Variants in STYXL1 observed in about 807,000 individuals in gnomAD.
STYXL1 encodes serine/threonine/tyrosine interacting like 1, also known as serine/threonine/tyrosine-interacting-like protein 1.
Under a neutral mutation model 36.4 loss-of-function variants are expected in STYXL1, and 32 were observed. That is an observed-to-expected ratio of 0.88 (90% confidence interval 0.66 to 1.18). The LOEUF is 1.18. Among genes scored for constraint, STYXL1 ranks in the 50% most tolerant of loss-of-function variants. The pLI is 0.00. For missense variants in STYXL1, 354 were observed against 394.1 expected (o/e 0.90, Z 0.86); for synonymous variants, 133 against 144.1 (o/e 0.92, Z 0.55).
intron 7 of STYXL1, among the ~76,000 whole-genome samples, chr7:76,002,316 G>C (rs530864934): frequency 4.7e-4 from 72 of 152,322 alleles, no homozygotes; most frequent in African/African-American, 1.5e-3. Flanking sequence ...TGCCCAGGGA[G>C]AGGAAATCTA....
chr7:76,041,556 T>C (rs1341420048), intron 1 of STYXL1, among the ~76,000 whole-genome samples: 2 of 152,214 alleles, frequency 1.3e-5, no homozygotes, highest in African/African-American at 2.4e-5. Flanking sequence ...AGGTTTCCTC[T>C]TGCATTTTCC....
intron 8 of STYXL1, among the ~76,000 whole-genome samples, chr7:75,997,877 A>G (rs1329308693): frequency 6.6e-6 from 1 of 152,204 alleles, no homozygotes; most frequent in Non-Finnish European, 1.5e-5. Flanking sequence ...AAAGAATAAA[A>G]TATTTAACCA....
chr7:76,042,641 A>C (rs914784064), intron 1 of STYXL1, among the ~76,000 whole-genome samples: 2 of 151,612 alleles, frequency 1.3e-5, no homozygotes, highest in Non-Finnish European at 2.9e-5. Flanking sequence ...TCCTGACCTC[A>C]GGTGATCCAT....
chr7:75,997,719 T>TACACACACACACA (rs374436226), intron 8 of STYXL1, among the ~76,000 whole-genome samples: 1 of 151,528 alleles, frequency 6.6e-6, no homozygotes, highest in Non-Finnish European at 1.5e-5. Context: ...CCCTAAAGAT[T>TACACACACACACA]ACACACACAC....
intron 1 of STYXL1, among the ~76,000 whole-genome samples, chr7:76,032,502 G>A (rs1293646773): frequency 6.6e-6 from 1 of 151,820 alleles, no homozygotes; most frequent in African/African-American, 2.4e-5. Context: ...CCTTTGGTCA[G>A]GAGTTCAAGA....
intron 5 of STYXL1, among the ~76,000 whole-genome samples, chr7:76,012,537 G>C (rs1480381893): frequency 6.6e-6 from 1 of 152,130 alleles, no homozygotes; most frequent in Non-Finnish European, 1.5e-5. Flanking sequence ...GGGACTACAA[G>C]ACAGGTGGGC....
chr7:76,000,101 G>T (rs1273207642), intron 8 of STYXL1, among the ~76,000 whole-genome samples: 3 of 150,674 alleles, frequency 2.0e-5, no homozygotes, highest in African/African-American at 7.3e-5. Flanking sequence ...AGAGACAGGA[G>T]AATCGCTTGA....
chr7:76,000,819 T>C, intron 8 of STYXL1, 71 bp downstream of exon 8: 2 of 1,400,128 alleles, frequency 1.4e-6, no homozygotes, highest in Non-Finnish European at 2.0e-6. Context: ...GCCCCACTCC[T>C]CCCAGGTTGC....
chr7:75,999,784 G>A lies in STYXL1; in HGVS notation c.810+1106C>T, dbSNP rs553628607. Among the ~76,000 whole-genome samples, 3 of 152,214 alleles carry A rather than the reference G, an allele frequency of 2.0e-5. No individual in the cohort carries two copies. In the South Asian group the frequency reaches 6.2e-4, roughly 32 times the overall value. The stretch of plus-strand genomic sequence containing the variant: ...TGGTCTTGAACTCCTGACCTCAGGT[G>A]ATCTGCCCGCCTCGGCCTCCCACAA... On this transcript the variant is annotated intron_variant, in intron 8 of 8. Coordinates refer to ENST00000359697, the MANE Select transcript of STYXL1 (RefSeq NM_001317785.2).
At chr7:76,045,035 A>G (rs1259855749) in intron 1 of STYXL1, 1 of 152,210 alleles carries the variant, frequency 6.6e-6, no homozygotes, top group Non-Finnish European at 1.5e-5. Flanking sequence ...CTCCCAATTA[A>G]GCCCATCTAA....
At chr7:76,046,821 T>C (rs1797168108) in intron 1 of STYXL1, among the ~76,000 whole-genome samples, 1 of 151,068 alleles carries the variant, frequency 6.6e-6, no homozygotes, top group Non-Finnish European at 1.5e-5. Flanking sequence ...GGGCTAATTT[T>C]TGTATTTTTA....
At chr7:76,030,599 G>C in intron 1 of STYXL1, 72 bp from the exon 2 acceptor site, 1 of 889,474 alleles carries the variant, frequency 1.1e-6, no homozygotes, top group Non-Finnish European at 1.9e-6. Flanking sequence ...GTAATATAAT[G>C]AATTAAACTC....
At chr7:76,035,989 G>A (rs1795871012) in intron 1 of STYXL1, among the ~76,000 whole-genome samples, 1 of 149,992 alleles carries the variant, frequency 6.7e-6, no homozygotes, top group African/African-American at 2.4e-5. Context: ...GATTCCAAGA[G>A]AAGATGCATC....
rs1339166598 is a variant in STYXL1 at position 76,013,633 on chromosome 7, C to CT, written c.453+108dup. 4 of 1,502,032 alleles carry CT rather than the reference C, an allele frequency of 2.7e-6. No individual in the cohort carries two copies. The East Asian group carries it at 9.1e-5, about 34-fold the overall frequency. The allele number at this position is 1,502,032 out of a possible 1,614,324, so 93.0% of individuals were successfully genotyped here. ...ATAGACAGAATCTCCTCCACTTTCT[C>CT]TATATCCTCTGTCCCATCCTCCTGT... On this transcript the variant is annotated intron_variant, in intron 5 of 8. Coordinates refer to ENST00000359697, the MANE Select transcript of STYXL1 (RefSeq NM_001317785.2).
chr7:76,016,326 ATATG>A (rs768332414), intron 4 of STYXL1, among the ~76,000 whole-genome samples: 79 of 151,794 alleles, frequency 5.2e-4, no homozygotes, highest in East Asian at 4.3e-3. Flanking sequence ...ATATCTATAC[ATATG>A]TGTGTATATA....
chr7:76,029,330 A>G (rs1795073105), intron 2 of STYXL1, among the ~76,000 whole-genome samples: 1 of 151,696 alleles, frequency 6.6e-6, no homozygotes, highest in African/African-American at 2.4e-5. Context: ...TATTTTTAGT[A>G]GAGACGGGGT....
intron 1 of STYXL1, among the ~76,000 whole-genome samples, chr7:76,046,333 TGTGTGTGCGCGC>T (rs1289167412): frequency 3.4e-3 from 50 of 14,888 alleles, no homozygotes; most frequent in African/African-American, 7.6e-3. Flanking sequence ...TGTGTGTGTG[TGTGTGTGCGCGC>T]GCGCGCGCGC....
chr7:76,006,167 G>A (rs1791741333), intron 5 of STYXL1, among the ~76,000 whole-genome samples: 1 of 152,032 alleles, frequency 6.6e-6, no homozygotes, highest in Non-Finnish European at 1.5e-5. Context: ...ATCTTCCTGG[G>A]CTCAAATGCT....
intron 4 of STYXL1, among the ~76,000 whole-genome samples, chr7:76,016,193 T>C (rs745554062): frequency 6.6e-6 from 1 of 151,906 alleles, no homozygotes; most frequent in Non-Finnish European, 1.5e-5. Context: ...GATATATGTA[T>C]ATCTATACAT....
Sources: gnomAD v4.1 joint callset for allele counts (sites outside exome capture counted in the v4.1 genomes callset) on GRCh38, gnomAD v4.1.1 for gene constraint, MANE v1.5 for transcripts, NCBI Gene and HGNC (gene_info 2026-07-23, HGNC 2026-07-21) for gene names.